Variants in LY75 observed in about 807,000 individuals in gnomAD.
LY75 encodes the protein C-type lectin domain family 13 member B.
Under a neutral mutation model 231.7 loss-of-function variants are expected in LY75, and 185 were observed. The ratio of observed to expected loss-of-function variants is 0.80; its 90% CI spans 0.71 to 0.90. The LOEUF is 0.90. Ranked by LOEUF, LY75 falls within the 40% of genes least tolerant of loss-of-function variation. The probability of loss-of-function intolerance (pLI) is 0.00; values close to 1 mark genes in which losing one functional copy is unlikely to be tolerated. For missense variants in LY75, 1,947 were observed against 2,050.2 expected (o/e 0.95, Z 0.97); for synonymous variants, 668 against 689.0 (o/e 0.97, Z 0.48).
rs752898621 is a variant in LY75 at position 159,835,570 on chromosome 2, C to T, written c.3583G>A (p.Glu1195Lys). ...TCAGTGTCTAATACTACACAGTCTTCGAGTTGCCCATTAGTTTCAGCCCAG... is the reference window on the plus strand; with the variant it reads ...TCAGTGTCTAATACTACACAGTCTTTGAGTTGCCCATTAGTTTCAGCCCAG... ...SRWAETNGQL[E>K]DCVVLDTDGF... The change falls in exon 26 of 35, where the codon GAA becomes AAA. Residue 1195 changes from glutamate (E) to lysine (K), a missense_variant. Coordinates refer to ENST00000263636, the MANE Select transcript of LY75 (RefSeq NM_002349.4). The T allele has an allele frequency of 6.8e-6, 11 of 1,613,800 alleles. No homozygotes were observed. The highest frequency in any genetic ancestry group is 7.6e-6 in the Non-Finnish European group (9 of 1,179,872).
rs1176934754 is a variant in LY75 at position 159,844,803 on chromosome 2, TTTTA to T, written c.3151-2433_3151-2430del. 3.7e-3 allele frequency among the ~76,000 whole-genome samples: 558 copies of T among 149,850 alleles called. 7 individuals are homozygous for T. Among genetic ancestry groups the T allele is most frequent in the African/African-American group, 0.013 (517 of 39,682 alleles). ...AAGCTGTCATTCTTTTTTTTTTTTTTTTTAAATTTCAGCTTTTATTTTAGATATG... is the reference window on the plus strand; with the variant it reads ...AAGCTGTCATTCTTTTTTTTTTTTTTAATTTCAGCTTTTATTTTAGATATG... On this transcript the variant is annotated intron_variant, in intron 23 of 34. Transcript: ENST00000263636.
intron 1 of LY75, 128 bp downstream of exon 1, chr2:159,904,461 C>A (rs1397707): frequency 2.0e-5 from 21 of 1,055,484 alleles, no homozygotes; most frequent in African/African-American, 5.1e-5. Flanking sequence ...GCTCCAGAGC[C>A]CCCCCGCCCC....
intron 32 of LY75, among the ~76,000 whole-genome samples, chr2:159,809,071 A>G (rs1307192599): frequency 1.3e-5 from 2 of 152,214 alleles, no homozygotes; most frequent in African/African-American, 4.8e-5. Flanking sequence ...AGTTTCCATC[A>G]TGTGTATTCA....
At chr2:159,836,208 T>C (rs776816357) in intron 25 of LY75, among the ~76,000 whole-genome samples, 1 of 152,126 alleles carries the variant, frequency 6.6e-6, no homozygotes, top group Non-Finnish European at 1.5e-5. Context: ...CCAAGTTAAG[T>C]GTGACACTTA....
intron 13 of LY75, 115 bp downstream of exon 13, chr2:159,872,336 A>G: frequency 1.5e-6 from 2 of 1,362,898 alleles, no homozygotes; most frequent in Non-Finnish European, 2.0e-6. Flanking sequence ...GACCTTTTAG[A>G]TAATAAAACA....
intron 6 of LY75, among the ~76,000 whole-genome samples, chr2:159,883,787 C>T (rs1056190639): frequency 3.3e-5 from 5 of 152,248 alleles, no homozygotes; most frequent in Admixed American, 6.5e-5. Context: ...ATGTTCATTT[C>T]CCCTATTATC....
intron 28 of LY75, among the ~76,000 whole-genome samples, 179 bp downstream of exon 28, chr2:159,831,491 C>T (rs911383582): frequency 5.3e-5 from 8 of 152,076 alleles, no homozygotes; most frequent in Admixed American, 3.3e-4. Flanking sequence ...ACTTTAAACT[C>T]GATGATAAAG....
rs932567206 is a variant in LY75, at chr2:159,875,587, C to T, written c.1831G>A (p.Val611Met). The part of the protein sequence containing the change: ...STGKSVGKWE[V>M]KDCRSFKALS... The stretch of plus-strand genomic sequence containing the variant: ...GCTTTGAAGCTTCTGCAGTCCTTCA[C>T]CTCCCACTTTCCAACAGACTTTCCA... The change falls in exon 12 of 35, where the codon GTG becomes ATG. Residue 611 changes from valine to methionine, a missense_variant. Val to Met is a conservative substitution (Grantham distance 21). Coordinates refer to ENST00000263636, the MANE Select transcript of LY75 (RefSeq NM_002349.4). The T allele has an allele frequency of 6.2e-7, 1 of 1,614,078 alleles. No individual in the cohort carries two copies. The highest frequency in any genetic ancestry group is 1.6e-4 in the Middle Eastern group (1 of 6,062).
In LY75 at chr2:159,819,819, T is replaced by C; in HGVS notation, c.4060A>G (p.Thr1354Ala). 1 of 1,614,144 alleles carries C rather than the reference T, an allele frequency of 6.2e-7. No homozygotes were observed. Among genetic ancestry groups the C allele is most frequent in the South Asian group, 1.1e-5 (1 of 91,082 alleles). The change falls in exon 29 of 35, where the codon ACT (threonine) becomes GCT (alanine). Residue 1354 changes from threonine (T) to alanine (A), a missense_variant. By Grantham distance (58) the Thr-to-Ala change is moderately conservative. Coordinates refer to ENST00000263636, the MANE Select transcript of LY75 (RefSeq NM_002349.4). ...GTTTGAATATCCCAGAAGCCGTCAG[T>C]ACTTAAACCAGCCAAAAACTTCTCA... ...KNEKFLAGLS[T>A]DGFWDIQTFK...
At chr2:159,831,621 T>C in intron 28 of LY75, 49 bp downstream of exon 28, 2 of 1,583,182 alleles carry the variant, frequency 1.3e-6, no homozygotes, top group South Asian at 1.1e-5. Context: ...AATTATGTTA[T>C]AATGAAGTAC....
In LY75 at chr2:159,882,243, A is replaced by T; in HGVS notation, c.1127T>A (p.Val376Glu). 1 of 1,614,058 alleles carries T rather than the reference A, an allele frequency of 6.2e-7. No homozygotes were observed. Among genetic ancestry groups the T allele is most frequent in the Non-Finnish European group, 8.5e-7 (1 of 1,179,944 alleles). The change falls in exon 7 of 35, where the codon GTA becomes GAA. Residue 376 changes from valine to glutamate, a missense_variant. Val to Glu is a moderately radical substitution (Grantham distance 121). Transcript: ENST00000263636. Reference sequence around the variant, plus strand: ...CTTATCCCAGGAATTACTTTCATTTACCAGCAGATAGCAAAATCCATTATT... The same window carrying T: ...CTTATCCCAGGAATTACTTTCATTTTCCAGCAGATAGCAAAATCCATTATT... The part of the protein sequence containing the change: ...LPNNGFCYLL[V>E]NESNSWDKAH...
chr2:159,867,669 T>C (rs1042744025), intron 13 of LY75, among the ~76,000 whole-genome samples: 2 of 152,200 alleles, frequency 1.3e-5, no homozygotes, highest in Non-Finnish European at 2.9e-5. Flanking sequence ...ATAAATACTA[T>C]TTGATGAGGG....
At chr2:159,861,603 C>G (rs1465923709) in intron 14 of LY75, among the ~76,000 whole-genome samples, 1 of 148,836 alleles carries the variant, frequency 6.7e-6, no homozygotes, top group African/African-American at 2.5e-5. Flanking sequence ...CAAAAATTAG[C>G]TGGATGTGGT....
At chr2:159,829,957 T>C (rs557994788) in intron 28 of LY75, among the ~76,000 whole-genome samples, 14 of 152,342 alleles carry the variant, frequency 9.2e-5, no homozygotes, top group Admixed American at 2.6e-4. Flanking sequence ...GTGTGGTCTC[T>C]ATGGCTCAAT....
At chr2:159,814,049 A>G (rs2125829710) in intron 31 of LY75, 1 of 152,262 alleles carries the variant, frequency 6.6e-6, no homozygotes, top group Non-Finnish European at 1.5e-5. Context: ...TTCGGCCTGA[A>G]TCTGTTCAAC....
Position 159,804,862 on chromosome 2 carries a change from G to T in LY75, c.*182C>A. 1 of 503,288 alleles carries T rather than the reference G, an allele frequency of 2.0e-6. No individual in the cohort carries two copies. The highest frequency in any genetic ancestry group is 3.6e-6 in the Non-Finnish European group (1 of 279,982). 31.2% of individuals were successfully genotyped at this position (503,288 alleles called of 1,614,324 possible). A position where few individuals can be genotyped will look rare whatever the true frequency, so the allele number is the denominator to read the frequency against. ...AGTCCCCTCCATTCTATTAATTAGG[G>T]TGATAAACATGGCATTTAGCAGGGA... On this transcript the variant is annotated 3_prime_UTR_variant, in exon 35 of 35. Coordinates refer to ENST00000263636, the MANE Select transcript of LY75 (RefSeq NM_002349.4).
chr2:159,840,005 C>A (rs1369570233), intron 25 of LY75, among the ~76,000 whole-genome samples: 41 of 58,904 alleles, frequency 7.0e-4, no homozygotes, highest in South Asian at 1.1e-3. Flanking sequence ...GAACCTGTCT[C>A]AAAAAAAAAA....
chr2:159,872,298 A>T, intron 13 of LY75, 153 bp downstream of exon 13: 3 of 912,718 alleles, frequency 3.3e-6, no homozygotes, highest in Non-Finnish European at 4.8e-6. Flanking sequence ...AAGAGTGCTT[A>T]ATGTTCCATG....
intron 4 of LY75, 82 bp downstream of exon 4, chr2:159,890,131 A>G: frequency 6.6e-7 from 1 of 1,524,144 alleles, no homozygotes; most frequent in Non-Finnish European, 8.8e-7. Flanking sequence ...ATACAAAGAA[A>G]CACATCTGGA....
Sources: allele counts gnomAD v4.1 joint callset (sites outside exome capture counted in the v4.1 genomes callset), GRCh38; gene constraint gnomAD v4.1.1; transcripts MANE v1.5; gene names NCBI Gene and HGNC (gene_info 2026-07-23, HGNC 2026-07-21).